TET1: variants seen among roughly 807,000 people sequenced by gnomAD.
TET1 encodes the protein tet methylcytosine dioxygenase 1.
TET1 carries 13 observed loss-of-function variants against 148.7 expected under a neutral mutation model. That is an observed-to-expected ratio of 0.09 (90% confidence interval 0.06 to 0.14). The LOEUF is 0.14. Ranked by LOEUF, TET1 falls within the 10% of genes least tolerant of loss-of-function variation. The pLI, the probability that TET1 is intolerant of heterozygous loss-of-function variation, is 1.00. For synonymous variants in TET1, 907 were observed against 937.2 expected (o/e 0.97, Z 0.59); for missense variants, 2,182 against 2,553.8 (o/e 0.85, Z 3.14).
chr10:68,565,475 A>AAAAAAAATAT lies in TET1; in HGVS notation c.-123+4734_-123+4735insAAAAAATATA, dbSNP rs1388182777. ...AGCAAGACCCTGTTTAAAAAAAAAA[A>AAAAAAAATAT]ATATATATATATATATATATATATG... On this transcript the variant is annotated intron_variant, in intron 1 of 11. Transcript: ENST00000373644. 7.7e-5 allele frequency among the ~76,000 whole-genome samples: 10 copies of AAAAAAAATAT among 129,226 alleles called. No individual in the cohort carries two copies. The East Asian group carries it at 9.1e-4, about 12-fold the overall frequency. The allele number at this position is 129,226 out of a possible 152,430, so 84.8% of individuals were successfully genotyped here.
Position 68,646,200 on chromosome 10 carries a change from T to C in TET1, c.3471T>C (p.Asp1157=), listed in dbSNP as rs765328003. The C allele has an allele frequency of 1.2e-6, 2 of 1,613,732 alleles. No individual in the cohort carries two copies. Among genetic ancestry groups the C allele is most frequent in the African/African-American group, 1.3e-5 (1 of 74,842 alleles). Residue 1157 remains aspartate (D), a synonymous_variant, in exon 4 of 12, where the codon GAT becomes GAC. Transcript: ENST00000373644. ...AGACAAAATCCACCCCATCAAGAGATCGGCGGAAAAAGAAGCCCACAGTTG... is the reference window on the plus strand; with the variant it reads ...AGACAAAATCCACCCCATCAAGAGACCGGCGGAAAAAGAAGCCCACAGTTG... The part of the protein sequence containing the change: ...QKKTKSTPSR[D]RRKKKPTVVS...
chr10:68,627,409 GAAA>G (rs34132432), intron 3 of TET1, among the ~76,000 whole-genome samples: 1 of 127,564 alleles, frequency 7.8e-6, no homozygotes, highest in Non-Finnish European at 1.8e-5. Flanking sequence ...TTCTGTCTCC[GAAA>G]AAAAAAATAA....
chr10:68,632,640 T>A, intron 3 of TET1: 1 of 1,588,524 alleles, frequency 6.3e-7, no homozygotes, highest in Middle Eastern at 1.7e-4. Flanking sequence ...AGGAAAGAAT[T>A]GCCAGAGAAG....
At chr10:68,593,230 C>CAAA (rs576381158) in intron 2 of TET1, among the ~76,000 whole-genome samples, 13 of 43,182 alleles carry the variant, frequency 3.0e-4, no homozygotes, top group Non-Finnish European at 4.0e-4. Context: ...AACTCTGTCT[C>CAAA]AAAAAAAAAA....
At chr10:68,563,145 TC>T in intron 1 of TET1, among the ~76,000 whole-genome samples, 1 of 152,190 alleles carries the variant, frequency 6.6e-6, no homozygotes, top group South Asian at 2.1e-4. Flanking sequence ...TTGGCCCTTT[TC>T]CCCCCTTTTT....
rs1297999733 is a variant in TET1 at position 68,574,256 on chromosome 10, A to G, written c.1914+4A>G. On this transcript the variant is annotated splice_donor_region_variant and intron_variant, in intron 2 of 11. Coordinates refer to ENST00000373644, the MANE Select transcript of TET1 (RefSeq NM_030625.3). ...ATCTGTTGTTGTGCCTCTGGAGGTA[A>G]GCAAACAGTCAAGGGGCTGGGAGAC... 1 of 1,608,438 alleles carries G rather than the reference A, an allele frequency of 6.2e-7. No individual in the cohort carries two copies. Among genetic ancestry groups the G allele is most frequent in the South Asian group, 1.1e-5 (1 of 90,638 alleles).
chr10:68,571,934 T>C (rs1333729837), intron 1 of TET1, among the ~76,000 whole-genome samples: 2 of 152,084 alleles, frequency 1.3e-5, no homozygotes, highest in Non-Finnish European at 2.9e-5. Context: ...CAGGGCAACA[T>C]GGCGAAAACA....
intron 2 of TET1, among the ~76,000 whole-genome samples, chr10:68,589,785 C>T (rs1333325824): frequency 6.6e-6 from 1 of 151,044 alleles, no homozygotes; most frequent in Non-Finnish European, 1.5e-5. Flanking sequence ...AATTCTCATG[C>T]CTCTACCTCC....
intron 6 of TET1, among the ~76,000 whole-genome samples, chr10:68,658,152 G>T (rs2055052978): frequency 6.6e-6 from 1 of 152,010 alleles, no homozygotes; most frequent in African/African-American, 2.4e-5. Context: ...TATATGCTTA[G>T]GTTTGTTAAT....
Position 68,682,879 on chromosome 10 carries a change from A to G in TET1, c.4958A>G (p.Lys1653Arg). The G allele has an allele frequency of 6.2e-7, 1 of 1,613,902 alleles. No homozygotes were observed. Among genetic ancestry groups the G allele is most frequent in the South Asian group, 1.1e-5 (1 of 91,002 alleles). Residue 1653 changes from lysine (K) to arginine (R), a missense_variant, in exon 10 of 12, where the codon AAG (lysine) becomes AGG (arginine). This residue lies in a region of TET1 where 55 missense variants were observed against 149.8 expected (regional missense o/e 0.37). Coordinates refer to ENST00000373644, the MANE Select transcript of TET1 (RefSeq NM_030625.3). ...GCCCGAGAATGTCGGCTTGGCAGCAAGGAAGGTCGTCCCTTCTCTGGGGTC... is the reference window on the plus strand; with the variant it reads ...GCCCGAGAATGTCGGCTTGGCAGCAGGGAAGGTCGTCCCTTCTCTGGGGTC... ...NVARECRLGSKEGRPFSGVTA... is the reference protein window; with the variant it reads ...NVARECRLGSREGRPFSGVTA...
intron 8 of TET1, among the ~76,000 whole-genome samples, chr10:68,676,236 G>GTGTA (rs1202890548): frequency 5.4e-5 from 3 of 55,496 alleles, no homozygotes; most frequent in Admixed American, 3.4e-4. Flanking sequence ...GTATGTATGT[G>GTGTA]TATATATATA....
At chr10:68,582,393 GC>G (rs889648519) in intron 2 of TET1, among the ~76,000 whole-genome samples, 2 of 152,128 alleles carry the variant, frequency 1.3e-5, no homozygotes, top group Non-Finnish European at 2.9e-5. Flanking sequence ...ACCGCACCTG[GC>G]CTTAGATGAC....
intron 8 of TET1, among the ~76,000 whole-genome samples, chr10:68,679,471 G>A (rs908118250): frequency 1.5e-4 from 23 of 152,154 alleles, no homozygotes; most frequent in African/African-American, 4.8e-4. Context: ...ATCAATAGCA[G>A]TACACAAGTG....
At chr10:68,615,356 C>CTTTTCTTTTTTTT (rs138957422) in intron 3 of TET1, among the ~76,000 whole-genome samples, 6,780 of 145,218 alleles carry the variant, frequency 0.047, 227 homozygotes, top group Middle Eastern at 0.089. Flanking sequence ...CTTTTCTTTT[C>CTTTTCTTTTTTTT]TTTTTTTGAG....
At chr10:68,673,305 A>G (rs1332635912) in intron 8 of TET1, 1 of 239,786 alleles carries the variant, frequency 4.2e-6, no homozygotes, top group African/African-American at 2.3e-5. Context: ...CCCCAGCAAA[A>G]TCATCATTAA....
At position 68,646,770 on chromosome 10, in the gene TET1, G is replaced by A. The variant is rs149677665; in HGVS notation, c.4041G>A (p.Pro1347=). The part of the protein sequence containing the change: ...LPGISHETPL[P]ESALTLRNVN... ...GTATCTCTCATGAAACACCCTTACC[G>A]GAGTCAGCACTAACTCTCAGGAATG... Residue 1347 remains proline (P), a synonymous_variant, in exon 4 of 12, where the codon CCG becomes CCA. Transcript: ENST00000373644. The A allele has an allele frequency of 4.3e-5, 69 of 1,614,054 alleles. No individual in the cohort carries two copies. The highest frequency in any genetic ancestry group is 4.0e-4 in the African/African-American group (30 of 74,998).
chr10:68,661,995 C>T (rs935805717), intron 6 of TET1, among the ~76,000 whole-genome samples: 1 of 151,194 alleles, frequency 6.6e-6, no homozygotes, highest in South Asian at 2.1e-4. Context: ...CATGCGTCAG[C>T]CTCCCCAGTA....
chr10:68,652,628 C>A, intron 6 of TET1, 34 bp downstream of exon 6: 2 of 1,427,066 alleles, frequency 1.4e-6, no homozygotes, highest in Non-Finnish European at 2.0e-6. Context: ...TTTTTTGAAG[C>A]TTGTTATTCC....
chr10:68,608,084 G>T (rs1037452841), intron 3 of TET1, among the ~76,000 whole-genome samples: 6 of 151,070 alleles, frequency 4.0e-5, no homozygotes, highest in Non-Finnish European at 8.8e-5. Flanking sequence ...GCATACCACC[G>T]CACCCAGCTA....
Sources: gnomAD v4.1 joint callset for allele counts (sites outside exome capture counted in the v4.1 genomes callset) on GRCh38, gnomAD v4.1.1 for gene constraint, gnomAD v4.1.1 regional missense constraint, MANE v1.5 for transcripts, NCBI Gene and HGNC (gene_info 2026-07-23, HGNC 2026-07-21) for gene names.